ZFR2: variants seen among roughly 807,000 people sequenced by gnomAD.
ZFR2 encodes the protein zinc finger RNA-binding protein 2.
Under a neutral mutation model 105.7 loss-of-function variants are expected in ZFR2, and 104 were observed. The ratio of observed to expected loss-of-function variants is 0.98; its 90% CI spans 0.84 to 1.16. The LOEUF (loss-of-function observed/expected upper bound fraction) is 1.16. Among genes scored for constraint, ZFR2 ranks in the 50% most tolerant of loss-of-function variants. The pLI is 0.00. For missense variants in ZFR2, 1,425 were observed against 1,355.5 expected (o/e 1.05, Z -0.80); for synonymous variants, 634 against 597.7 (o/e 1.06, Z -0.89).
intron 1 of ZFR2, among the ~76,000 whole-genome samples, chr19:3,859,741 G>C (rs2038351379): frequency 6.6e-6 from 1 of 152,204 alleles, no homozygotes; most frequent in Non-Finnish European, 1.5e-5. Context: ...TTTACCAGCA[G>C]TAAGACGACA....
intron 13 of ZFR2, 134 bp from the exon 14 acceptor site, chr19:3,814,092 T>C: frequency 1.5e-6 from 2 of 1,332,734 alleles, no homozygotes; most frequent in South Asian, 1.3e-5. Flanking sequence ...TGCCGGGCCC[T>C]GTGCCCTGTG....
chr19:3,868,286 C>T (rs1043362282), intron 1 of ZFR2, among the ~76,000 whole-genome samples: 8 of 151,356 alleles, frequency 5.3e-5, no homozygotes, highest in Admixed American at 5.3e-4. Flanking sequence ...CTGTTTTCTC[C>T]TCCCCTACAA....
At chr19:3,841,222 T>C (rs1301213736) in intron 1 of ZFR2, among the ~76,000 whole-genome samples, 1 of 152,238 alleles carries the variant, frequency 6.6e-6, no homozygotes, top group Non-Finnish European at 1.5e-5. Context: ...GACCACCCCC[T>C]TCGCAAACCC....
chr19:3,811,444 T>A, intron 14 of ZFR2, 78 bp from the exon 15 acceptor site: 3 of 1,374,462 alleles, frequency 2.2e-6, no homozygotes, highest in Non-Finnish European at 2.0e-6. Flanking sequence ...AGGGGCTCAG[T>A]TTGGGCCCCT....
rs376340333 is a variant in ZFR2 at position 3,859,295 on chromosome 19, G to A, written c.53+9670C>T. Among the ~76,000 whole-genome samples, 19 of 152,246 alleles carry A rather than the reference G, an allele frequency of 1.2e-4. No individual in the cohort carries two copies. The South Asian group carries it at 3.5e-3, about 28-fold the overall frequency. On this transcript the variant is annotated intron_variant, in intron 1 of 18. Transcript: ENST00000262961. ...CACCAGCAGTTGGCCAGGGGCTCTC[G>A]GGCCTTTGGCCACAGACTGACGGCT...
chr19:3,812,136 G>A (rs751810329), intron 14 of ZFR2, among the ~76,000 whole-genome samples: 4 of 152,164 alleles, frequency 2.6e-5, no homozygotes, highest in African/African-American at 7.2e-5. Context: ...TAGAGACAGC[G>A]TTTCACCGTG....
chr19:3,848,943 G>A (rs904265399), intron 1 of ZFR2, among the ~76,000 whole-genome samples: 10 of 152,016 alleles, frequency 6.6e-5, no homozygotes, highest in Non-Finnish European at 1.3e-4. Context: ...GCAGTGAGCC[G>A]AGATCACACC....
intron 9 of ZFR2, 90 bp downstream of exon 9, chr19:3,821,991 C>G: frequency 6.8e-7 from 1 of 1,478,404 alleles, no homozygotes; most frequent in Non-Finnish European, 9.0e-7. Context: ...GGATCACACG[C>G]GCGGAAGAGG....
At chr19:3,850,604 G>A (rs1013331530) in intron 1 of ZFR2, among the ~76,000 whole-genome samples, 20 of 151,866 alleles carry the variant, frequency 1.3e-4, no homozygotes, top group African/African-American at 4.4e-4. Flanking sequence ...GGAAGAGGCC[G>A]GGCACAGTGG....
intron 1 of ZFR2, among the ~76,000 whole-genome samples, chr19:3,846,141 T>G (rs2038182648): frequency 6.6e-6 from 1 of 152,218 alleles, no homozygotes; most frequent in South Asian, 2.1e-4. Flanking sequence ...CACGCCTGGC[T>G]AATTTTTGTA....
At position 3,823,180 on chromosome 19, in the gene ZFR2, C is replaced by G. The variant is rs752039340; in HGVS notation, c.1371+66G>C. 6 of 1,607,648 alleles carry G rather than the reference C, an allele frequency of 3.7e-6. No homozygotes were observed. In the African/African-American group the frequency reaches 4.0e-5, roughly 11 times the overall value. On this transcript the variant is annotated intron_variant, in intron 8 of 18. Transcript: ENST00000262961. The surrounding 1 kb of genome is among the most constrained non-coding windows in gnomAD (Gnocchi z 5.4). ...CGCTGGGAGAAGCCGGGTGAGGTCT[C>G]GAAGCCTGATCCATGGGAAGGTCCT...
chr19:3,831,436 G>T lies in ZFR2; in HGVS notation c.719C>A (p.Ala240Glu). The T allele has an allele frequency of 6.4e-7, 1 of 1,551,758 alleles. No homozygotes were observed. Among genetic ancestry groups the T allele is most frequent in the Non-Finnish European group, 8.7e-7 (1 of 1,148,994 alleles). ...PQQLPPPPAP[A>E]GSGSSPRADS... ...GGCCCTGGGGCTGCTTCCTGAGCCT[G>T]CAGGCGCGGGCGGCGGGGGCAGCTG... is the stretch of plus-strand genomic sequence containing the variant. The change falls in exon 5 of 19, where the codon GCA becomes GAA. Residue 240 changes from alanine to glutamate, a missense_variant. Physicochemically the swap from Ala to Glu is moderately radical, Grantham distance 107. Transcript: ENST00000262961.
chr19:3,868,779 C>G (rs1160960177), intron 1 of ZFR2, among the ~76,000 whole-genome samples, 186 bp downstream of exon 1: 1 of 152,122 alleles, frequency 6.6e-6, no homozygotes, highest in South Asian at 2.1e-4. Context: ...GCATCCCGCC[C>G]GGTGCCTAAC....
chr19:3,843,779 G>A (rs1471487177), intron 1 of ZFR2, among the ~76,000 whole-genome samples: 1 of 150,684 alleles, frequency 6.6e-6, no homozygotes, highest in African/African-American at 2.4e-5. Context: ...AGCTTGCAGT[G>A]AGCAGAGATC....
chr19:3,808,117 ATATGTGTGCCCGTGCG>A (rs1353853365), intron 17 of ZFR2, among the ~76,000 whole-genome samples: 2 of 94,430 alleles, frequency 2.1e-5, no homozygotes, highest in South Asian at 3.1e-4. Flanking sequence ...GCTCATATCC[ATATGTGTGCCCGTGCG>A]TATGTGTGCC....
rs766692896 is a variant in ZFR2 at position 3,834,774 on chromosome 19, T to G, written c.263A>C (p.Gln88Pro). The G allele has an allele frequency of 1.2e-6, 2 of 1,611,624 alleles. No individual in the cohort carries two copies. Among genetic ancestry groups the G allele is most frequent in the Non-Finnish European group, 8.5e-7 (1 of 1,179,772 alleles). The change falls in exon 2 of 19, where the codon CAG (glutamine) becomes CCG (proline). Residue 88 changes from glutamine to proline, a missense_variant and splice_region_variant. Transcript: ENST00000262961. This position sits in a 1 kb window ranked among gnomAD's most constrained non-coding sequence, Gnocchi z 5.3. Reference protein sequence around the residue: ...VPTATTMATYQDSYSYGQSAA... With the variant: ...VPTATTMATYPDSYSYGQSAA... The stretch of plus-strand genomic sequence containing the variant: ...CTGGTCAAAGAAAGGACTGGATACC[T>G]GGTAGGTAGCCATGGTGGTGGCCGT...
intron 13 of ZFR2, among the ~76,000 whole-genome samples, 155 bp from the exon 14 acceptor site, chr19:3,814,113 C>T (rs1188825978): frequency 6.6e-6 from 1 of 152,128 alleles, no homozygotes; most frequent in Admixed American, 6.6e-5. Flanking sequence ...TCTGGAACCT[C>T]CAAGTGACCA....
At chr19:3,814,457 A>G (rs1016409497) in intron 13 of ZFR2, among the ~76,000 whole-genome samples, 1 of 152,152 alleles carries the variant, frequency 6.6e-6, no homozygotes, top group East Asian at 1.9e-4. Context: ...ATCACCCTCC[A>G]TGAGGCCTGT....
Position 3,825,270 on chromosome 19 carries a change from C to T in ZFR2, c.1173G>A (p.Ala391=), listed in dbSNP as rs963844831. 15 of 1,572,976 alleles carry T rather than the reference C, an allele frequency of 9.5e-6. 1 individual carries two copies. Among genetic ancestry groups the T allele is most frequent in the Middle Eastern group, 3.6e-4 (2 of 5,534 alleles). Residue 391 remains alanine, a synonymous_variant, in exon 7 of 19, where the codon GCG becomes GCA. Transcript: ENST00000262961. ...TCGAGGCCACGGGTCTCTTGGCCAG[C>T]GCTGGCCTGCTCGAGGCACACACGC... ...GPSVCASSRP[A]LAKRPVASKA...
Sources: allele counts gnomAD v4.1 joint callset (sites outside exome capture counted in the v4.1 genomes callset), GRCh38; gene constraint gnomAD v4.1.1; non-coding constraint Gnocchi (gnomAD v3.1); transcripts MANE v1.5; gene names NCBI Gene and HGNC (gene_info 2026-07-23, HGNC 2026-07-21).